The following KIAA0513 variants were observed in gnomAD, a reference collection of about 807,000 sequenced individuals.
KIAA0513 encodes KIAA0513, also known as uncharacterized protein KIAA0513.
A neutral mutation model predicts 56.5 loss-of-function variants in KIAA0513; 39 were observed. That is an observed-to-expected ratio of 0.69 (90% CI 0.53 to 0.90). The LOEUF is 0.90. Ranked by LOEUF, KIAA0513 falls within the 40% of genes least tolerant of loss-of-function variation. The probability of loss-of-function intolerance (pLI) is 0.00; values close to 1 mark genes in which losing one functional copy is unlikely to be tolerated. For synonymous variants in KIAA0513, 268 were observed against 215.6 expected, an observed-to-expected ratio of 1.24 and a Z score of -2.13; for missense variants, 591 against 535.2, an observed-to-expected ratio of 1.10 and a Z score of -1.03.
intron 1 of KIAA0513, among the ~76,000 whole-genome samples, chr16:85,064,364 A>G (rs1419408676): frequency 6.6e-6 from 1 of 152,156 alleles, no homozygotes; most frequent in Non-Finnish European, 1.5e-5. Flanking sequence ...AGGATTATAA[A>G]TACTGTTGCA....
chr16:85,055,917 G>C (rs2073322565), intron 1 of KIAA0513, among the ~76,000 whole-genome samples: 1 of 152,204 alleles, frequency 6.6e-6, no homozygotes, highest in African/African-American at 2.4e-5. Flanking sequence ...CTCTAAGCTG[G>C]TGCTTGGGTG....
At chr16:85,063,085 C>T (rs1182479064) in intron 1 of KIAA0513, 2 of 152,264 alleles carry the variant, frequency 1.3e-5, no homozygotes, top group South Asian at 4.1e-4. Flanking sequence ...CTCCTGCCAC[C>T]CATCTGCTTC....
intron 1 of KIAA0513, among the ~76,000 whole-genome samples, chr16:85,033,552 T>C (rs9923460): frequency 0.4 from 60,760 of 151,998 alleles, 13,482 homozygotes; most frequent in African/African-American, 0.6. Flanking sequence ...GTGTGTAATT[T>C]GGAAGGGCTG....
intron 1 of KIAA0513, among the ~76,000 whole-genome samples, chr16:85,055,151 G>A (rs1050979657): frequency 4.6e-5 from 7 of 151,938 alleles, no homozygotes; most frequent in Non-Finnish European, 1.0e-4. Flanking sequence ...TCAAACTCCT[G>A]GACTGAAGTG....
At chr16:85,072,386 C>CA (rs1478154280) in intron 3 of KIAA0513, among the ~76,000 whole-genome samples, 1 of 150,612 alleles carries the variant, frequency 6.6e-6, no homozygotes, top group African/African-American at 2.4e-5. Flanking sequence ...TTGTAAAAAA[C>CA]AAAAAATATT....
At chr16:85,030,697 TCG>T (rs2072952242) in intron 1 of KIAA0513, among the ~76,000 whole-genome samples, 1 of 149,304 alleles carries the variant, frequency 6.7e-6, no homozygotes, top group East Asian at 2.0e-4. Flanking sequence ...TGAGCCTAGA[TCG>T]CGCCACTGCA....
At chr16:85,059,682 CT>C (rs1170224195) in intron 1 of KIAA0513, among the ~76,000 whole-genome samples, 4 of 152,186 alleles carry the variant, frequency 2.6e-5, no homozygotes, top group African/African-American at 9.7e-5. Flanking sequence ...TAGTGCTGCA[CT>C]TTGAAAGGTA....
chr16:85,075,162 A>T (rs182471632), intron 4 of KIAA0513, among the ~76,000 whole-genome samples: 1 of 150,726 alleles, frequency 6.6e-6, no homozygotes, highest in African/African-American at 2.4e-5. Flanking sequence ...AGTCTTTTAT[A>T]GTTTTATTAC....
At chr16:85,088,218 A>T in intron 12 of KIAA0513, 58 bp from the exon 13 acceptor site, 2 of 1,499,232 alleles carry the variant, frequency 1.3e-6, no homozygotes, top group Non-Finnish European at 1.9e-6. Flanking sequence ...CAAGAGCAGG[A>T]TATACCTGTC....
intron 4 of KIAA0513, 22 bp from the exon 5 acceptor site, chr16:85,075,822 T>C: frequency 6.2e-7 from 1 of 1,610,882 alleles, no homozygotes; most frequent in Non-Finnish European, 8.5e-7. Flanking sequence ...TCTTTAGCCA[T>C]GAGCCTTGCC....
chr16:85,042,176 G>T (rs1017539447), intron 1 of KIAA0513, among the ~76,000 whole-genome samples: 1 of 152,140 alleles, frequency 6.6e-6, no homozygotes, highest in Non-Finnish European at 1.5e-5. Flanking sequence ...TAACTTTTGC[G>T]AAAGCCCAGC....
At chr16:85,041,838 A>G (rs1473065082) in intron 1 of KIAA0513, among the ~76,000 whole-genome samples, 2 of 152,008 alleles carry the variant, frequency 1.3e-5, no homozygotes, top group African/African-American at 2.4e-5. Context: ...CATCTGAGGA[A>G]ACCACCGCCT....
At chr16:85,052,944 G>T (rs566336813) in intron 1 of KIAA0513, among the ~76,000 whole-genome samples, 69 of 152,160 alleles carry the variant, frequency 4.5e-4, no homozygotes, top group African/African-American at 1.5e-3. Flanking sequence ...AGGCTGGAGT[G>T]CAGTGGCACG....
At chr16:85,034,532 G>A (rs778380181) in intron 1 of KIAA0513, among the ~76,000 whole-genome samples, 13 of 152,152 alleles carry the variant, frequency 8.5e-5, no homozygotes, top group Admixed American at 3.3e-4. Flanking sequence ...GGTGGTTTTC[G>A]TAGTCTTGTG....
rs1193962423 is a variant in KIAA0513 at position 85,072,982 on chromosome 16, G to C, written c.487G>C (p.Ala163Pro). The C allele has an allele frequency of 6.2e-7, 1 of 1,614,076 alleles. No individual in the cohort carries two copies. The highest frequency in any genetic ancestry group is 1.1e-5 in the South Asian group (1 of 91,080). The change falls in exon 4 of 13, where the codon GCA becomes CCA. Residue 163 changes from alanine (A) to proline (P), a missense_variant. By Grantham distance (27) the Ala-to-Pro change is conservative (BLOSUM62 -1). Coordinates refer to ENST00000683363, the MANE Select transcript of KIAA0513 (RefSeq NM_001388359.1). ...ATFYRLVQSFAVVLFECHQMD... is the reference protein window; with the variant it reads ...ATFYRLVQSFPVVLFECHQMD... Reference sequence around the variant, plus strand: ...CTTCTACCGCCTGGTGCAGTCTTTTGCAGTGGTGCTGTTCGAGTAAGTAAT... The same window carrying C: ...CTTCTACCGCCTGGTGCAGTCTTTTCCAGTGGTGCTGTTCGAGTAAGTAAT...
intron 1 of KIAA0513, among the ~76,000 whole-genome samples, chr16:85,058,247 C>T (rs992891344): frequency 2.0e-5 from 3 of 152,212 alleles, no homozygotes; most frequent in African/African-American, 7.2e-5. Flanking sequence ...ACTGTCACGC[C>T]TCATGTATCA....
chr16:85,071,634 C>T (rs1024469132), intron 2 of KIAA0513, 149 bp from the exon 3 acceptor site: 38 of 638,014 alleles, frequency 6.0e-5, no homozygotes, highest in East Asian at 3.9e-4. Flanking sequence ...TGGGACCGCC[C>T]GGAGGCTGAG....
rs193169760 is a variant in KIAA0513 at position 85,076,325 on chromosome 16, C to G, written c.574+411C>G. 1.3e-5 allele frequency among the ~76,000 whole-genome samples: 2 copies of G among 152,304 alleles called. No homozygotes were observed. Among genetic ancestry groups the G allele is most frequent in the East Asian group, 3.9e-4 (2 of 5,182 alleles). ...GTGGTGGGGAGGAGCAGCGTAGGAT[C>G]TGAAGCTGCAGAGAGTTCCCAGGGA... On this transcript the variant is annotated intron_variant, in intron 5 of 12. Transcript: ENST00000683363. The surrounding 1 kb of genome is among the most constrained non-coding windows in gnomAD (Gnocchi z 4.7).
chr16:85,035,770 A>G (rs1301582360), intron 1 of KIAA0513, among the ~76,000 whole-genome samples: 1 of 152,148 alleles, frequency 6.6e-6, no homozygotes, highest in Middle Eastern at 3.2e-3. Context: ...TGAGGTCAGG[A>G]GATCGAGACC....
Sources: allele counts gnomAD v4.1 joint callset (sites outside exome capture counted in the v4.1 genomes callset), GRCh38; gene constraint gnomAD v4.1.1; non-coding constraint Gnocchi (gnomAD v3.1); transcripts MANE v1.5; gene names NCBI Gene and HGNC (gene_info 2026-07-23, HGNC 2026-07-21).